The following AGO2 variants were observed in gnomAD, a reference collection of about 807,000 sequenced individuals.
The protein encoded by AGO2 is protein argonaute-2.
In AGO2, 5 loss-of-function variants were observed where a neutral mutation model predicts 102.3. That is an observed-to-expected ratio of 0.05 (90% CI 0.03 to 0.10). AGO2 has a LOEUF of 0.10. Among genes scored for constraint, AGO2 ranks in the 10% least tolerant of loss-of-function variants. The pLI is 1.00. For missense variants in AGO2, 541 were observed against 1,183.7 expected (o/e 0.46, Z 7.97); for synonymous variants, 449 against 473.1 (o/e 0.95, Z 0.66).
At chr8:140,570,135 G>A (rs1301968418) in intron 3 of AGO2, among the ~76,000 whole-genome samples, 22 of 152,278 alleles carry the variant, frequency 1.4e-4, no homozygotes, top group Admixed American at 1.3e-3. Context: ...CCAGTGGGAG[G>A]AGCGTGGTCT....
At chr8:140,604,621 T>C (rs1348442505) in intron 1 of AGO2, among the ~76,000 whole-genome samples, 4 of 152,024 alleles carry the variant, frequency 2.6e-5, no homozygotes, top group Non-Finnish European at 4.4e-5. Flanking sequence ...GGTCAGGAGA[T>C]AGAGACCATA....
Position 140,608,500 on chromosome 8 carries a change from G to C in AGO2, c.23-23189C>G, listed in dbSNP as rs541324326. On this transcript the variant is annotated intron_variant, in intron 1 of 18. Transcript: ENST00000220592. ...ATGCCCCCTCCCAGCGCTATTCAGG[G>C]CCCTGAGCTGCCCGCAGCCGGCAGG... Among the ~76,000 whole-genome samples the C allele has an allele frequency of 6.5e-4, 99 of 152,344 alleles. 2 individuals are homozygous for C. Among genetic ancestry groups the C allele is most frequent in the South Asian group, 5.4e-3 (26 of 4,822 alleles).
rs113597330 is a variant in AGO2 at position 140,597,696 on chromosome 8, GA to G, written c.23-12386del. Reference sequence around the variant, plus strand: ...CTAATTTTAAGAGAAAAGGAATCAAGAAAAAAAAAAAAGACATCAAAAATGA... The same window carrying G: ...CTAATTTTAAGAGAAAAGGAATCAAGAAAAAAAAAAAGACATCAAAAATGA... On this transcript the variant is annotated intron_variant, in intron 1 of 18. Transcript: ENST00000220592. Among the ~76,000 whole-genome samples the G allele has an allele frequency of 4.8e-3, 668 of 139,216 alleles. 5 individuals carry two copies. The highest frequency in any genetic ancestry group is 0.013 in the African/African-American group (501 of 37,944). 91.3% of individuals were successfully genotyped at this position (139,216 alleles called of 152,430 possible).
chr8:140,594,197 T>A (rs1022752859), intron 1 of AGO2, among the ~76,000 whole-genome samples: 1 of 152,172 alleles, frequency 6.6e-6, no homozygotes, highest in Non-Finnish European at 1.5e-5. Flanking sequence ...GCACTCGGGT[T>A]GGCTGGAGGG....
At chr8:140,562,748 C>T (rs1588460446) in intron 3 of AGO2, 114 bp from the exon 4 acceptor site, 1 of 1,260,170 alleles carries the variant, frequency 7.9e-7, no homozygotes, top group Non-Finnish European at 1.1e-6. Flanking sequence ...CCCGCCCAGG[C>T]CTCTAGCCAA....
rs760059271 is a variant in AGO2 at position 140,549,125 on chromosome 8, G to A, written c.1577C>T (p.Thr526Met). 1 of 1,608,744 alleles carries A rather than the reference G, an allele frequency of 6.2e-7. No individual in the cohort carries two copies. The highest frequency in any genetic ancestry group is 1.7e-5 in the Admixed American group (1 of 59,840). Residue 526 changes from threonine to methionine, a missense_variant, in exon 12 of 19, where the codon ACG becomes ATG. Around this residue, in one of 6 missense-constraint regions of AGO2, gnomAD observed 309 missense variants for 735.1 expected, o/e 0.42. Coordinates refer to ENST00000220592, the MANE Select transcript of AGO2 (RefSeq NM_012154.5). ...QLVVVILPGK[T>M]PVYAEVKRVG... The stretch of plus-strand genomic sequence containing the variant: ...GCGCCCACACCTACCGTACACGGGC[G>A]TCTTGCCGGGCAGGATGACCACCAC...
rs566498687 is a variant in AGO2, at chr8:140,540,121, C to G, written c.2035-667G>C. Among the ~76,000 whole-genome samples the G allele has an allele frequency of 1.6e-3, 249 of 152,196 alleles. 1 individual carries two copies. Among genetic ancestry groups the G allele is most frequent in the African/African-American group, 5.9e-3 (245 of 41,528 alleles). Reference sequence around the variant, plus strand: ...AAACAAAAAAACAAAACAAAAAACACACAAAAAACAAAGCAGCTCAGGCAG... The same window carrying G: ...AAACAAAAAAACAAAACAAAAAACAGACAAAAAACAAAGCAGCTCAGGCAG... On this transcript the variant is annotated intron_variant, in intron 15 of 18. Transcript: ENST00000220592. The surrounding 1 kb of genome is among the most constrained non-coding windows in gnomAD (Gnocchi z 5.0).
At chr8:140,532,735 G>A (rs1282578700) in intron 17 of AGO2, 120 bp from the exon 18 acceptor site, 77 of 1,144,558 alleles carry the variant, frequency 6.7e-5, no homozygotes, top group Non-Finnish European at 8.7e-5. Flanking sequence ...GGAGGCTCAC[G>A]CCTGTAATCC....
At chr8:140,582,650 G>A (rs540305663) in intron 2 of AGO2, among the ~76,000 whole-genome samples, 2 of 152,210 alleles carry the variant, frequency 1.3e-5, no homozygotes, top group East Asian at 1.9e-4. Flanking sequence ...AAGATGGATC[G>A]TGGACTAAAT....
At chr8:140,587,214 G>A (rs756402086) in intron 1 of AGO2, among the ~76,000 whole-genome samples, 19 of 152,178 alleles carry the variant, frequency 1.2e-4, no homozygotes, top group Non-Finnish European at 2.2e-4. Flanking sequence ...CACGCAGCCT[G>A]GTACTAACCC....
At chr8:140,563,041 C>G (rs954646430) in intron 3 of AGO2, among the ~76,000 whole-genome samples, 1 of 152,194 alleles carries the variant, frequency 6.6e-6, no homozygotes, top group African/African-American at 2.4e-5. Flanking sequence ...TACTCAGAAC[C>G]CACAGTTGAA....
intron 11 of AGO2, 27 bp downstream of exon 11, chr8:140,551,276 C>A (rs376225991): frequency 1.1e-5 from 17 of 1,487,924 alleles, no homozygotes; most frequent in Non-Finnish European, 1.5e-5. Context: ...ACCCCCAGGC[C>A]GGAGCCTCTG....
At chr8:140,550,635 G>A (rs1381764555) in intron 11 of AGO2, among the ~76,000 whole-genome samples, 2 of 151,844 alleles carry the variant, frequency 1.3e-5, no homozygotes, top group Admixed American at 1.3e-4. Context: ...TTTTTTTCTT[G>A]AGATGGGGTC....
chr8:140,558,498 C>G lies in AGO2; in HGVS notation c.865G>C (p.Ala289Pro). 1 of 1,614,202 alleles carries G rather than the reference C, an allele frequency of 6.2e-7. No individual in the cohort carries two copies. The highest frequency in any genetic ancestry group is 8.5e-7 in the Non-Finnish European group (1 of 1,180,026). Reference sequence around the variant, plus strand: ...AGGGCGTGTTACGTTTGGTGACTGGCGGGCCGCCGGGTCACATTGCAGACG... The same window carrying G: ...AGGGCGTGTTACGTTTGGTGACTGGGGGGCCGCCGGGTCACATTGCAGACG... ...YRVCNVTRRP[A>P]SHQTFPLQQE... Residue 289 changes from alanine (A) to proline (P), a missense_variant, in exon 7 of 19, where the codon GCC becomes CCC. Transcript: ENST00000220592.
intron 1 of AGO2, among the ~76,000 whole-genome samples, chr8:140,596,416 T>A (rs750340159): frequency 3.9e-5 from 6 of 152,138 alleles, no homozygotes; most frequent in Non-Finnish European, 5.9e-5. Context: ...AAACCCCGTC[T>A]CTACTAAAAA....
At chr8:140,562,398 G>C in intron 4 of AGO2, 55 bp downstream of exon 4, 1 of 1,556,330 alleles carries the variant, frequency 6.4e-7, no homozygotes, top group African/African-American at 1.4e-5. Context: ...CCCTGCGGGG[G>C]GCCCTCGGAG....
At chr8:140,535,350 C>A in intron 17 of AGO2, 118 bp downstream of exon 17, 1 of 1,068,574 alleles carries the variant, frequency 9.4e-7, no homozygotes, top group South Asian at 1.4e-5. Flanking sequence ...CCTGGTACTG[C>A]CTGTGTGGGC....
intron 1 of AGO2, among the ~76,000 whole-genome samples, chr8:140,597,463 G>GC (rs1564108125): frequency 2.9e-5 from 3 of 104,216 alleles, no homozygotes; most frequent in African/African-American, 1.1e-4. Flanking sequence ...TGGGGGCTGG[G>GC]TGGCCCCCCC....
intron 3 of AGO2, among the ~76,000 whole-genome samples, chr8:140,564,847 C>T (rs936695042): frequency 2.0e-5 from 3 of 152,084 alleles, no homozygotes; most frequent in Admixed American, 2.0e-4. Context: ...TAAAAAGGAA[C>T]AAGACCAGCT....
Sources: allele counts gnomAD v4.1 joint callset (sites outside exome capture counted in the v4.1 genomes callset), GRCh38; gene constraint gnomAD v4.1.1; regional missense constraint gnomAD v4.1.1; non-coding constraint Gnocchi (gnomAD v3.1); transcripts MANE v1.5; gene names NCBI Gene and HGNC (gene_info 2026-07-23, HGNC 2026-07-21).